Variants in NPAS3 observed in about 807,000 individuals in gnomAD.
The protein encoded by NPAS3 is neuronal PAS domain protein 3.
NPAS3 carries 14 observed loss-of-function variants against 73.1 expected under a neutral mutation model. The observed-to-expected ratio is 0.19, with a 90% CI of 0.13 to 0.30. The LOEUF is 0.30. NPAS3 is among the 10% of genes least tolerant of loss of function. The pLI, the probability that NPAS3 is intolerant of heterozygous loss-of-function variation, is 1.00. For missense variants in NPAS3, 1,096 were observed against 1,250.0 expected (o/e 0.88, Z 1.86); for synonymous variants, 620 against 541.5 (o/e 1.14, Z -2.01).
rs115348177 is a variant in NPAS3, at chr14:33,272,988, C to T, written c.385+57562C>T. 1.2e-4 allele frequency among the ~76,000 whole-genome samples: 18 copies of T among 152,316 alleles called. No individual in the cohort carries two copies. In the South Asian group the frequency reaches 3.5e-3, roughly 30 times the overall value. On this transcript the variant is annotated intron_variant, in intron 3 of 11. Transcript: ENST00000356141. ...ATTTCCAATTTACTTCCCACTTTCT[C>T]GCCAATTAAATTACTTGGTATATTC...
At chr14:33,435,838 TTCA>T (rs954948223) in intron 4 of NPAS3, among the ~76,000 whole-genome samples, 2 of 152,030 alleles carry the variant, frequency 1.3e-5, no homozygotes, top group Non-Finnish European at 2.9e-5. Flanking sequence ...CATGATCATC[TTCA>T]TCATCATCAT....
At chr14:33,503,301 G>C (rs1443140536) in intron 4 of NPAS3, among the ~76,000 whole-genome samples, 1 of 151,904 alleles carries the variant, frequency 6.6e-6, no homozygotes, top group African/African-American at 2.4e-5. Flanking sequence ...AATGGCTTGA[G>C]TTCCCATGCC....
intron 3 of NPAS3, among the ~76,000 whole-genome samples, chr14:33,342,236 G>C (rs1238523277): frequency 6.6e-6 from 1 of 152,324 alleles, no homozygotes; most frequent in East Asian, 1.9e-4. Context: ...ATCATAAGCT[G>C]TGAATTGCCC....
intron 2 of NPAS3, among the ~76,000 whole-genome samples, chr14:33,063,953 T>C (rs990945819): frequency 6.6e-6 from 1 of 152,174 alleles, no homozygotes; most frequent in Non-Finnish European, 1.5e-5. Context: ...TATGGAGATG[T>C]TGAAGAACTT....
chr14:33,151,831 A>G (rs928658421), intron 2 of NPAS3, among the ~76,000 whole-genome samples: 2 of 152,204 alleles, frequency 1.3e-5, no homozygotes, highest in African/African-American at 2.4e-5. Context: ...TTTAAAAATA[A>G]GTGAAGAATA....
At chr14:32,980,712 AGTT>A (rs947006150) in intron 1 of NPAS3, among the ~76,000 whole-genome samples, 5 of 152,160 alleles carry the variant, frequency 3.3e-5, no homozygotes, top group African/African-American at 7.2e-5. Flanking sequence ...TTTGTATTAA[AGTT>A]GTTGTTGCAT....
intron 2 of NPAS3, among the ~76,000 whole-genome samples, chr14:33,065,184 G>C (rs1230879089): frequency 1.3e-5 from 2 of 152,092 alleles, no homozygotes; most frequent in Non-Finnish European, 2.9e-5. Flanking sequence ...TTTTTATCTA[G>C]ACATAGTACA....
At chr14:33,010,846 G>T (rs1006466011) in intron 1 of NPAS3, among the ~76,000 whole-genome samples, 2 of 150,930 alleles carry the variant, frequency 1.3e-5, no homozygotes, top group African/African-American at 4.9e-5. Flanking sequence ...GAAGCGGGGG[G>T]ATCGCTTGTG....
intron 5 of NPAS3, among the ~76,000 whole-genome samples, chr14:33,617,918 A>G (rs1345468981): frequency 6.6e-6 from 1 of 152,146 alleles, no homozygotes; most frequent in Non-Finnish European, 1.5e-5. Flanking sequence ...GAAAAAAAAA[A>G]TGGCTGACAC....
At chr14:33,245,966 T>C (rs931841796) in intron 3 of NPAS3, among the ~76,000 whole-genome samples, 3 of 151,818 alleles carry the variant, frequency 2.0e-5, no homozygotes, top group African/African-American at 7.3e-5. Context: ...CCATGATCCT[T>C]AAAAACAAAG....
At chr14:33,231,662 A>G (rs921792791) in intron 3 of NPAS3, among the ~76,000 whole-genome samples, 1 of 152,182 alleles carries the variant, frequency 6.6e-6, no homozygotes, top group Non-Finnish European at 1.5e-5. Context: ...ACACATCATT[A>G]CATTTCATTT....
At chr14:32,957,177 C>T (rs1157839595) in intron 1 of NPAS3, among the ~76,000 whole-genome samples, 1 of 151,740 alleles carries the variant, frequency 6.6e-6, no homozygotes, top group Non-Finnish European at 1.5e-5. Context: ...GCTCTTCTTC[C>T]CAGAAAAAGC....
At chr14:33,764,064 G>C (rs559855007) in intron 7 of NPAS3, among the ~76,000 whole-genome samples, 12 of 152,094 alleles carry the variant, frequency 7.9e-5, no homozygotes, top group Non-Finnish European at 1.6e-4. Context: ...CTAAAGCTGA[G>C]GAAGACAGGA....
At chr14:33,513,129 G>T (rs1014251576) in intron 4 of NPAS3, among the ~76,000 whole-genome samples, 1 of 152,008 alleles carries the variant, frequency 6.6e-6, no homozygotes, top group African/African-American at 2.4e-5. Flanking sequence ...CTCATTGACA[G>T]AAGGGTTGTG....
chr14:33,362,018 G>A (rs2045627012), intron 3 of NPAS3, among the ~76,000 whole-genome samples: 1 of 152,126 alleles, frequency 6.6e-6, no homozygotes, highest in African/African-American at 2.4e-5. Flanking sequence ...TATATTTCAT[G>A]TATGTGTTTT....
intron 2 of NPAS3, among the ~76,000 whole-genome samples, chr14:33,144,275 C>T (rs1029980905): frequency 1.3e-5 from 2 of 151,994 alleles, no homozygotes; most frequent in African/African-American, 4.8e-5. Context: ...GAAGTGGGAC[C>T]TCATTGTGGT....
At chr14:33,789,628 G>A (rs550229433) in intron 9 of NPAS3, among the ~76,000 whole-genome samples, 13 of 111,400 alleles carry the variant, frequency 1.2e-4, no homozygotes, top group African/African-American at 3.3e-4. Flanking sequence ...TCGCTCTGTC[G>A]CCCAGGCTGG....
intron 1 of NPAS3, among the ~76,000 whole-genome samples, chr14:32,990,939 A>AT (rs1259906635): frequency 6.8e-6 from 1 of 146,764 alleles, no homozygotes; most frequent in East Asian, 2.0e-4. Flanking sequence ...AAAAACAAAA[A>AT]CAAAAAAAAA....
chr14:33,692,644 C>G (rs187502308), intron 6 of NPAS3, among the ~76,000 whole-genome samples: 1 of 152,042 alleles, frequency 6.6e-6, no homozygotes, highest in East Asian at 1.9e-4. Context: ...TATTATATGC[C>G]TTGGTCTTCC....
Sources: allele counts gnomAD v4.1 joint callset (sites outside exome capture counted in the v4.1 genomes callset), GRCh38; gene constraint gnomAD v4.1.1; transcripts MANE v1.5; gene names NCBI Gene and HGNC (gene_info 2026-07-23, HGNC 2026-07-21).